Variants in KIRREL3 observed in about 807,000 individuals in gnomAD.
KIRREL3 encodes kirre like nephrin family adhesion molecule 3.
Under a neutral mutation model 89.7 loss-of-function variants are expected in KIRREL3, and 36 were observed. That is an observed-to-expected ratio of 0.40 (90% confidence interval 0.31 to 0.53). KIRREL3 has a LOEUF of 0.53. Among genes scored for constraint, KIRREL3 ranks in the 20% least tolerant of loss-of-function variants. The pLI, the probability that KIRREL3 is intolerant of heterozygous loss-of-function variation, is 0.49. For missense variants in KIRREL3, 864 were observed against 1,056.6 expected, an observed-to-expected ratio of 0.82 and a Z score of 2.53; for synonymous variants, 445 against 441.4, an observed-to-expected ratio of 1.01 and a Z score of -0.10.
chr11:126,425,828 C>T (rs921360631), intron 15 of KIRREL3, 104 bp from the exon 16 acceptor site: 3 of 831,106 alleles, frequency 3.6e-6, no homozygotes, highest in African/African-American at 1.7e-5. Context: ...CCTGTATAAC[C>T]CCCACCACCC....
rs974487091 is a variant in KIRREL3, at chr11:126,508,424, C to A, written c.433+12891G>T. Among the ~76,000 whole-genome samples the A allele has an allele frequency of 2.6e-5, 4 of 152,002 alleles. No individual in the cohort carries two copies. The highest frequency in any genetic ancestry group is 5.9e-5 in the Non-Finnish European group (4 of 68,018). ...TGAATGGGATGGCAAATGAATGCTG[C>A]GGGTCTCGGGGCTCCCCAGGTCCAT... On this transcript the variant is annotated intron_variant, in intron 4 of 16. Coordinates refer to ENST00000525144, the MANE Select transcript of KIRREL3 (RefSeq NM_032531.4). The surrounding 1 kb of genome is among the most constrained non-coding windows in gnomAD (Gnocchi z 4.9).
Position 126,799,352 on chromosome 11 carries a change from CTGTGTGTATCTG to C in KIRREL3, c.55+201091_55+201102del, listed in dbSNP as rs757182584. Among the ~76,000 whole-genome samples, 622 of 67,914 alleles carry C rather than the reference CTGTGTGTATCTG, an allele frequency of 9.2e-3. 3 individuals carry two copies. Among genetic ancestry groups the C allele is most frequent in the African/African-American group, 0.056 (582 of 10,428 alleles). The allele number at this position is 67,914 out of a possible 152,430, so 44.6% of individuals were successfully genotyped here. A position where few individuals can be genotyped will look rare whatever the true frequency, so the allele number is the denominator to read the frequency against. On this transcript the variant is annotated intron_variant, in intron 1 of 16. Transcript: ENST00000525144. ...TCTGTGTGTGTGCATGTGTGTATCT[CTGTGTGTATCTG>C]TGTATCTGTGTGTGCATGCGTGTAT... is the stretch of plus-strand genomic sequence containing the variant.
rs1451982172 is a variant in KIRREL3, at chr11:126,558,294, T to G, written c.133+4541A>C. On this transcript the variant is annotated intron_variant, in intron 2 of 16. Transcript: ENST00000525144. The surrounding 1 kb of genome is among the most constrained non-coding windows in gnomAD (Gnocchi z 4.0). ...CCCCCAGGAATGGTCTTCTCTGGTC[T>G]GTGTCCCTCACTCCAGGTCTCCCCT... Among the ~76,000 whole-genome samples the G allele has an allele frequency of 1.3e-5, 2 of 152,228 alleles. No individual in the cohort carries two copies. The highest frequency in any genetic ancestry group is 4.8e-5 in the African/African-American group (2 of 41,468).
intron 1 of KIRREL3, among the ~76,000 whole-genome samples, chr11:126,823,718 A>C (rs1440457520): frequency 6.6e-6 from 1 of 152,226 alleles, no homozygotes; most frequent in Non-Finnish European, 1.5e-5. Context: ...TAATCTTCAG[A>C]AAGATAGAAA....
Position 126,766,593 on chromosome 11 carries a change from G to A in KIRREL3, c.56-203681C>T, listed in dbSNP as rs1949830926. On this transcript the variant is annotated intron_variant, in intron 1 of 16. Coordinates refer to ENST00000525144, the MANE Select transcript of KIRREL3 (RefSeq NM_032531.4). The surrounding 1 kb of genome is among the most constrained non-coding windows in gnomAD (Gnocchi z 4.2). The stretch of plus-strand genomic sequence containing the variant: ...GGAACCATCCAAAAGAGATTATTGT[G>A]CCTCATGGTGGCGCCAGTAGTATCA... Among the ~76,000 whole-genome samples, 1 of 152,104 alleles carries A rather than the reference G, an allele frequency of 6.6e-6. No individual in the cohort carries two copies. Among genetic ancestry groups the A allele is most frequent in the Non-Finnish European group, 1.5e-5 (1 of 68,026 alleles).
At chr11:126,633,360 C>A (rs952042670) in intron 1 of KIRREL3, among the ~76,000 whole-genome samples, 2 of 151,756 alleles carry the variant, frequency 1.3e-5, no homozygotes, top group African/African-American at 4.8e-5. Context: ...TAAAGAGAAA[C>A]AAACAAACAA....
chr11:126,679,871 G>C (rs527418740), intron 1 of KIRREL3, among the ~76,000 whole-genome samples: 1 of 152,158 alleles, frequency 6.6e-6, no homozygotes. Context: ...TGTATGAAGG[G>C]AAAAGGTCCC....
chr11:126,825,820 G>A (rs1219420048), intron 1 of KIRREL3, among the ~76,000 whole-genome samples: 7 of 152,188 alleles, frequency 4.6e-5, no homozygotes, highest in Non-Finnish European at 8.8e-5. Flanking sequence ...AAAAACTGGG[G>A]CACAGAGGGA....
At chr11:126,712,177 G>C (rs1301896617) in intron 1 of KIRREL3, among the ~76,000 whole-genome samples, 1 of 151,862 alleles carries the variant, frequency 6.6e-6, no homozygotes, top group Non-Finnish European at 1.5e-5. Context: ...GTCAGAGTTT[G>C]TTTGAATGTG....
chr11:126,659,771 A>G (rs946069911), intron 1 of KIRREL3, among the ~76,000 whole-genome samples: 5 of 152,236 alleles, frequency 3.3e-5, no homozygotes, highest in African/African-American at 1.2e-4. Context: ...CATGCCCCAG[A>G]CAACTGAACT....
rs1003308671 is a variant in KIRREL3, at chr11:126,576,450, G to T, written c.56-13538C>A. On this transcript the variant is annotated intron_variant, in intron 1 of 16. Coordinates refer to ENST00000525144, the MANE Select transcript of KIRREL3 (RefSeq NM_032531.4). This position sits in a 1 kb window ranked among gnomAD's most constrained non-coding sequence, Gnocchi z 5.4. ...ATATTGTGATGAACAAGACAGAGAA[G>T]AATTTTTGCCTTCCCAAGCTTCCAT... Among the ~76,000 whole-genome samples the T allele has an allele frequency of 1.3e-5, 2 of 152,210 alleles. No individual in the cohort carries two copies. Among genetic ancestry groups the T allele is most frequent in the South Asian group, 2.1e-4 (1 of 4,830 alleles).
At position 126,778,545 on chromosome 11, in the gene KIRREL3, C is replaced by A. The variant is rs550976243; in HGVS notation, c.56-215633G>T. On this transcript the variant is annotated intron_variant, in intron 1 of 16. Transcript: ENST00000525144. This position sits in a 1 kb window ranked among gnomAD's most constrained non-coding sequence, Gnocchi z 4.5. ...TGTTTTTGCTATAACAACAATGCTG[C>A]GGTAAATACCCTTTTACTGAAATCT... is the stretch of plus-strand genomic sequence containing the variant. Among the ~76,000 whole-genome samples, 26 of 152,306 alleles carry A rather than the reference C, an allele frequency of 1.7e-4. 1 individual carries two copies. The highest frequency in any genetic ancestry group is 4.3e-4 in the African/African-American group (18 of 41,564).
chr11:126,855,319 G>C (rs535393854), intron 1 of KIRREL3, among the ~76,000 whole-genome samples: 1 of 152,150 alleles, frequency 6.6e-6, no homozygotes, highest in Non-Finnish European at 1.5e-5. Flanking sequence ...TTTAAAAGTG[G>C]GGAATGCCGG....
intron 1 of KIRREL3, among the ~76,000 whole-genome samples, chr11:126,701,700 G>A (rs1947319529): frequency 6.6e-6 from 1 of 152,048 alleles, no homozygotes; most frequent in African/African-American, 2.4e-5. Flanking sequence ...AGGTGGGCTG[G>A]GATCTCCCAG....
Position 126,802,644 on chromosome 11 carries a change from G to A in KIRREL3, c.55+197811C>T, listed in dbSNP as rs11220617. ...GGTGTCCTGTCGGGGGCTGGCTCCC[G>A]CCTGGCACCCTGAGCTGCTGGGACA... On this transcript the variant is annotated intron_variant, in intron 1 of 16. Transcript: ENST00000525144. This position sits in a 1 kb window ranked among gnomAD's most constrained non-coding sequence, Gnocchi z 5.2. 0.23 allele frequency among the ~76,000 whole-genome samples: 34,346 copies of A among 152,060 alleles called. 4,521 individuals are homozygous for A. The highest frequency in any genetic ancestry group is 0.46 in the East Asian group (2,368 of 5,130).
chr11:126,779,293 G>A (rs1267623434), intron 1 of KIRREL3, among the ~76,000 whole-genome samples: 1 of 152,084 alleles, frequency 6.6e-6, no homozygotes, highest in Non-Finnish European at 1.5e-5. Context: ...AGCTCACCCA[G>A]GTCCCAGCCA....
intron 1 of KIRREL3, among the ~76,000 whole-genome samples, chr11:126,815,872 T>C (rs1362737407): frequency 1.3e-5 from 2 of 152,152 alleles, no homozygotes; most frequent in African/African-American, 2.4e-5. Flanking sequence ...TTCCTTGTTC[T>C]CTTTTCCCTT....
rs1317450474 is a variant in KIRREL3 at position 126,788,325 on chromosome 11, T to C, written c.55+212130A>G. On this transcript the variant is annotated intron_variant, in intron 1 of 16. Transcript: ENST00000525144. The surrounding 1 kb of genome is among the most constrained non-coding windows in gnomAD (Gnocchi z 4.1). ...CTTCCACTTGCTGAGATATGGTTTT[T>C]CCCACTGTGCTACTCAGACAGGGTA... is the stretch of plus-strand genomic sequence containing the variant. Among the ~76,000 whole-genome samples the C allele has an allele frequency of 1.3e-5, 2 of 152,248 alleles. No individual in the cohort carries two copies. Among genetic ancestry groups the C allele is most frequent in the Admixed American group, 6.5e-5 (1 of 15,286 alleles).
chr11:126,515,473 G>A lies in KIRREL3; in HGVS notation c.433+5842C>T, dbSNP rs1352302474. Among the ~76,000 whole-genome samples, 1 of 152,120 alleles carries A rather than the reference G, an allele frequency of 6.6e-6. No individual in the cohort carries two copies. Among genetic ancestry groups the A allele is most frequent in the African/African-American group, 2.4e-5 (1 of 41,430 alleles). On this transcript the variant is annotated intron_variant, in intron 4 of 16. Coordinates refer to ENST00000525144, the MANE Select transcript of KIRREL3 (RefSeq NM_032531.4). The surrounding 1 kb of genome is among the most constrained non-coding windows in gnomAD (Gnocchi z 4.2). Reference sequence around the variant, plus strand: ...TCAAAAAAAAGATGCCTAAGGAAGTGAAAAGGACCACAGGGGGACAGTCAG... The same window carrying A: ...TCAAAAAAAAGATGCCTAAGGAAGTAAAAAGGACCACAGGGGGACAGTCAG...
Sources: allele counts gnomAD v4.1 joint callset (sites outside exome capture counted in the v4.1 genomes callset), GRCh38; gene constraint gnomAD v4.1.1; non-coding constraint Gnocchi (gnomAD v3.1); transcripts MANE v1.5; gene names NCBI Gene and HGNC (gene_info 2026-07-23, HGNC 2026-07-21).